Variants in TET3 observed in about 807,000 individuals in gnomAD.
TET3 encodes the protein methylcytosine dioxygenase TET3.
Under a neutral mutation model 141.4 loss-of-function variants are expected in TET3, and 19 were observed. That is an observed-to-expected ratio of 0.13 (90% CI 0.09 to 0.20). TET3 has a LOEUF of 0.20. Ranked by LOEUF, TET3 falls within the 10% of genes least tolerant of loss-of-function variation. The pLI, the probability that TET3 is intolerant of heterozygous loss-of-function variation, is 1.00. For missense variants in TET3, 1,874 were observed against 2,356.9 expected, an observed-to-expected ratio of 0.80 and a Z score of 4.24; for synonymous variants, 1,043 against 980.9, an observed-to-expected ratio of 1.06 and a Z score of -1.18.
rs902438018 is a variant in TET3, at chr2:73,986,054, C to T, written c.-350C>T. The T allele has an allele frequency of 4.9e-6, 1 of 204,768 alleles. No individual in the cohort carries two copies. The highest frequency in any genetic ancestry group is 9.7e-6 in the Non-Finnish European group (1 of 103,494). The allele number at this position is 204,768 out of a possible 1,614,324, so 12.7% of individuals were successfully genotyped here. On this transcript the variant is annotated 5_prime_UTR_variant, in exon 2 of 12. Coordinates refer to ENST00000409262, the MANE Select transcript of TET3 (RefSeq NM_001287491.2). ...GAAACTGCTCACTCAGCTCTGCCCC[C>T]ACCACACCCCTACCTGCTCAACTCA...
At chr2:74,063,701 C>T (rs182357387) in intron 4 of TET3, among the ~76,000 whole-genome samples, 253 of 152,016 alleles carry the variant, frequency 1.7e-3, no homozygotes, top group African/African-American at 5.6e-3. Flanking sequence ...ATGCAAGATG[C>T]GTAAGTTCTA....
rs1229088234 is a variant in TET3 at position 74,106,565 on chromosome 2, C to T, written c.*4389C>T. On this transcript the variant is annotated 3_prime_UTR_variant, in exon 12 of 12. Transcript: ENST00000409262. ...ATTCTCTGACCCAGCGTTGCTTCTG[C>T]CTCTCATTGGTAACCCCTTATGTTC... The T allele has an allele frequency of 6.5e-6, 1 of 153,740 alleles. No homozygotes were observed. Among genetic ancestry groups the T allele is most frequent in the Non-Finnish European group, 1.5e-5 (1 of 68,056 alleles). The allele number at this position is 153,740 out of a possible 1,614,324, so 9.5% of individuals were successfully genotyped here. A position where few individuals can be genotyped will look rare whatever the true frequency, so the allele number is the denominator to read the frequency against.
At chr2:74,024,326 G>A (rs1686220151) in intron 3 of TET3, among the ~76,000 whole-genome samples, 1 of 152,224 alleles carries the variant, frequency 6.6e-6, no homozygotes, top group Admixed American at 6.5e-5. Context: ...CTTTGAGTTG[G>A]CCCTCTGGCA....
downstream of TET3, among the ~76,000 whole-genome samples, chr2:74,109,510 TC>T (rs1691651321): frequency 6.6e-6 from 1 of 152,236 alleles, no homozygotes; most frequent in Non-Finnish European, 1.5e-5. Flanking sequence ...CATTTAATCA[TC>T]CCTGTATCAC....
the TET3 span, among the ~76,000 whole-genome samples, chr2:74,115,413 C>A: frequency 6.6e-6 from 1 of 152,062 alleles, no homozygotes; most frequent in Non-Finnish European, 1.5e-5. Flanking sequence ...CATTAGAGAC[C>A]AAGAAGCGGG....
At chr2:74,041,007 A>G (rs11898903) in intron 3 of TET3, among the ~76,000 whole-genome samples, 37,148 of 152,026 alleles carry the variant, frequency 0.24, 4,804 homozygotes, top group Non-Finnish European at 0.28. Flanking sequence ...TGAGGCTTCA[A>G]AAGGGCTAAA....
the TET3 span, among the ~76,000 whole-genome samples, chr2:74,123,815 A>T: frequency 6.6e-6 from 1 of 150,514 alleles, no homozygotes; most frequent in East Asian, 2.0e-4. Flanking sequence ...GGAAGTGAGG[A>T]GTGTCTCTGC....
chr2:74,123,068 A>G, the TET3 span: 1 of 152,196 alleles, frequency 6.6e-6, no homozygotes, highest in African/African-American at 2.4e-5. Flanking sequence ...TGAAGTTCAG[A>G]ATGAAGGAAT....
intron 10 of TET3, among the ~76,000 whole-genome samples, chr2:74,094,371 G>A (rs1470578491): frequency 6.6e-6 from 1 of 152,200 alleles, no homozygotes; most frequent in Non-Finnish European, 1.5e-5. Context: ...CAAGGGGCAG[G>A]GAGAGTGGGA....
intron 3 of TET3, among the ~76,000 whole-genome samples, chr2:74,042,040 T>G (rs762991365): frequency 3.3e-5 from 5 of 152,258 alleles, no homozygotes; most frequent in Non-Finnish European, 5.9e-5. Context: ...ATAAATATGT[T>G]GAACAGGATA....
chr2:73,996,529 G>A (rs1684601762), intron 2 of TET3, among the ~76,000 whole-genome samples: 1 of 151,942 alleles, frequency 6.6e-6, no homozygotes, highest in African/African-American at 2.4e-5. Flanking sequence ...TTTATTTTGA[G>A]ACAGAGTCTT....
chr2:74,072,590 A>G (rs1291721665), intron 4 of TET3, among the ~76,000 whole-genome samples: 2 of 152,106 alleles, frequency 1.3e-5, no homozygotes, highest in African/African-American at 4.8e-5. Context: ...AAATTGTGGT[A>G]AAGTATGTAT....
At chr2:74,002,359 G>T (rs928314738) in intron 2 of TET3, among the ~76,000 whole-genome samples, 1 of 152,024 alleles carries the variant, frequency 6.6e-6, no homozygotes, top group Non-Finnish European at 1.5e-5. Context: ...GGCGAAGCGG[G>T]AATCCCCCCC....
At position 74,033,566 on chromosome 2, in the gene TET3, C is replaced by T. The variant is rs560139053; in HGVS notation, c.361-12712C>T. Among the ~76,000 whole-genome samples, 37 of 152,286 alleles carry T rather than the reference C, an allele frequency of 2.4e-4. 1 individual carries two copies. The highest frequency in any genetic ancestry group is 4.6e-4 in the Non-Finnish European group (31 of 68,028). ...TATAAACAGGCATACGTTGGAGATACTGCAGGTCCAGCTCTAAACCACTGC... is the reference window on the plus strand; with the variant it reads ...TATAAACAGGCATACGTTGGAGATATTGCAGGTCCAGCTCTAAACCACTGC... On this transcript the variant is annotated intron_variant, in intron 3 of 11. Coordinates refer to ENST00000409262, the MANE Select transcript of TET3 (RefSeq NM_001287491.2).
intron 4 of TET3, among the ~76,000 whole-genome samples, chr2:74,063,103 C>CT (rs1688686904): frequency 6.6e-6 from 1 of 151,814 alleles, no homozygotes. Flanking sequence ...AGGCTGGTCT[C>CT]TAACTCCTGA....
chr2:74,044,662 G>A (rs915799578), intron 3 of TET3, among the ~76,000 whole-genome samples: 11 of 152,184 alleles, frequency 7.2e-5, no homozygotes, highest in Non-Finnish European at 1.3e-4. Context: ...GCCCAGCATC[G>A]CGAAAGTGTT....
rs1046326670 is a variant in TET3, at chr2:74,102,101, G to A, written c.5313G>A (p.Val1771=). Residue 1771 remains valine (V), a synonymous_variant, in exon 12 of 12, where the codon GTG becomes GTA. Coordinates refer to ENST00000409262, the MANE Select transcript of TET3 (RefSeq NM_001287491.2). The stretch of plus-strand genomic sequence containing the variant: ...TCCCCACCCGGCAGGCACTGGCTGT[G>A]CCCACAGACTCGGCGGTCACCGTGT... ...GVVPTRQALA[V]PTDSAVTVSS... The A allele has an allele frequency of 1.4e-5, 21 of 1,500,234 alleles. No homozygotes were observed. Among genetic ancestry groups the A allele is most frequent in the African/African-American group, 2.8e-5 (2 of 71,248 alleles). The allele number at this position is 1,500,234 out of a possible 1,614,324, so 92.9% of individuals were successfully genotyped here. A position where few individuals can be genotyped will look rare whatever the true frequency, so the allele number is the denominator to read the frequency against.
chr2:74,127,032 G>A, the TET3 span, among the ~76,000 whole-genome samples: 19 of 152,312 alleles, frequency 1.2e-4, no homozygotes, highest in African/African-American at 4.3e-4. Context: ...GAGGATTGAA[G>A]CACACACCAG....
intron 5 of TET3, among the ~76,000 whole-genome samples, chr2:74,077,214 A>G (rs1391745922): frequency 6.6e-6 from 1 of 152,250 alleles, no homozygotes; most frequent in Admixed American, 6.5e-5. Context: ...AAAGCCTCAG[A>G]GCAGTGGTTG....
Sources: allele counts gnomAD v4.1 joint callset (sites outside exome capture counted in the v4.1 genomes callset), GRCh38; gene constraint gnomAD v4.1.1; transcripts MANE v1.5; gene names NCBI Gene and HGNC (gene_info 2026-07-23, HGNC 2026-07-21).